PRR5: variants seen among roughly 807,000 people sequenced by gnomAD.
The protein encoded by PRR5 is proline rich 5.
Under a neutral mutation model 30.6 loss-of-function variants are expected in PRR5, and 25 were observed. That is an observed-to-expected ratio of 0.82 (90% CI 0.60 to 1.14). The LOEUF is 1.14. PRR5 is among the 50% of genes most tolerant of loss of function. The pLI, the probability that PRR5 is intolerant of heterozygous loss-of-function variation, is 0.00. For missense variants in PRR5, 600 were observed against 547.1 expected, an observed-to-expected ratio of 1.10 and a Z score of -0.96; for synonymous variants, 286 against 247.1, an observed-to-expected ratio of 1.16 and a Z score of -1.48.
intron 1 of PRR5, among the ~76,000 whole-genome samples, chr22:44,685,468 G>A (rs890866774): frequency 6.6e-6 from 1 of 152,186 alleles, no homozygotes; most frequent in African/African-American, 2.4e-5. Flanking sequence ...ATGCTCCATA[G>A]AGAAGGGCCA....
At chr22:44,679,474 G>A (rs958878801) in intron 1 of PRR5, 2 of 208,814 alleles carry the variant, frequency 9.6e-6, no homozygotes, top group African/African-American at 2.3e-5. Flanking sequence ...GGAGGCCAAG[G>A]CTTGTGGATC....
Position 44,731,810 on chromosome 22 carries a change from T to A in PRR5, c.403T>A (p.Tyr135Asn). 1.2e-6 allele frequency: 2 copies of A among 1,613,248 alleles called. No homozygotes were observed. Among genetic ancestry groups the A allele is most frequent in the Non-Finnish European group, 1.7e-6 (2 of 1,179,960 alleles). ...DVLPMLQAIF[Y>N]PVQGKEPSVR... ...GCTGCCCATGCTGCAGGCCATCTTC[T>A]ACCCGGTGCAGGTGGGCAGCCCAGC... The change falls in exon 5 of 8, where the codon TAC becomes AAC. Residue 135 changes from tyrosine (Y) to asparagine (N), a missense_variant. Physicochemically the swap from Tyr to Asn is moderately radical, Grantham distance 143. Coordinates refer to ENST00000336985, the MANE Select transcript of PRR5 (RefSeq NM_181333.4).
intron 1 of PRR5, among the ~76,000 whole-genome samples, chr22:44,669,031 C>G (rs1215614443): frequency 2.0e-5 from 3 of 151,564 alleles, no homozygotes; most frequent in African/African-American, 7.3e-5. Flanking sequence ...GGGCGGCCCC[C>G]TTGGGTGAAG....
chr22:44,706,688 AT>A (rs547832136), intron 1 of PRR5, among the ~76,000 whole-genome samples: 67 of 147,478 alleles, frequency 4.5e-4, no homozygotes, highest in African/African-American at 1.3e-3. Context: ...ACACCGGCTA[AT>A]TTTTTTTTTT....
intron 1 of PRR5, among the ~76,000 whole-genome samples, chr22:44,686,929 C>T (rs1349877146): frequency 6.6e-6 from 1 of 152,158 alleles, no homozygotes; most frequent in Non-Finnish European, 1.5e-5. Flanking sequence ...TATTTGATTC[C>T]TTCTTTTACA....
At chr22:44,696,673 C>T (rs2146984149) in intron 1 of PRR5, among the ~76,000 whole-genome samples, 1 of 152,236 alleles carries the variant, frequency 6.6e-6, no homozygotes. Flanking sequence ...AAGCGGTCCA[C>T]CTTCAAACCT....
upstream of PRR5, chr22:44,677,014 C>G (rs1163388235): frequency 6.6e-6 from 1 of 152,332 alleles, no homozygotes. Flanking sequence ...TCCTGGGCCC[C>G]CTCTGCCCTT....
At chr22:44,672,503 G>A (rs989872055), upstream of PRR5, among the ~76,000 whole-genome samples, 1 of 152,186 alleles carries the variant, frequency 6.6e-6, no homozygotes, top group Non-Finnish European at 1.5e-5. Flanking sequence ...AGAATTGCTT[G>A]AACCCAGGAG....
chr22:44,676,271 G>A (rs1414436282), upstream of PRR5, among the ~76,000 whole-genome samples: 1 of 150,762 alleles, frequency 6.6e-6, no homozygotes, highest in Non-Finnish European at 1.5e-5. Context: ...TGCACTTGTG[G>A]TCTTAGCTAC....
chr22:44,724,813 T>C (rs190254971), intron 2 of PRR5, among the ~76,000 whole-genome samples: 1 of 152,254 alleles, frequency 6.6e-6, no homozygotes, highest in African/African-American at 2.4e-5. Context: ...TTCTCTGGAA[T>C]AAAGAGTAAA....
chr22:44,671,014 C>T (rs1461425921), intron 1 of PRR5, among the ~76,000 whole-genome samples: 3 of 152,152 alleles, frequency 2.0e-5, no homozygotes, highest in Non-Finnish European at 2.9e-5. Context: ...TCATGAAGAC[C>T]TTCCCCAGGC....
chr22:44,691,332 G>C lies in PRR5; in HGVS notation c.-10-11160G>C, dbSNP rs1304896390. ...GACTCAGAACCTCCATGTCCACCTCGGTGGCACGGAGAGGAGGCTACCCAG... is the reference window on the plus strand; with the variant it reads ...GACTCAGAACCTCCATGTCCACCTCCGTGGCACGGAGAGGAGGCTACCCAG... On this transcript the variant is annotated intron_variant, in intron 1 of 8. Transcript: ENST00000006251. This position sits in a 1 kb window ranked among gnomAD's most constrained non-coding sequence, Gnocchi z 4.4. Among the ~76,000 whole-genome samples the C allele has an allele frequency of 6.6e-6, 1 of 152,164 alleles. No homozygotes were observed. The highest frequency in any genetic ancestry group is 6.5e-5 in the Admixed American group (1 of 15,280).
chr22:44,687,739 C>G (rs7285102), intron 1 of PRR5, among the ~76,000 whole-genome samples: 5 of 152,056 alleles, frequency 3.3e-5, no homozygotes, highest in African/African-American at 7.2e-5. Flanking sequence ...TCTCCACCCC[C>G]ACAAGGCTGC....
intron 2 of PRR5, among the ~76,000 whole-genome samples, chr22:44,720,400 G>A (rs1929746345): frequency 6.6e-6 from 1 of 152,206 alleles, no homozygotes; most frequent in Admixed American, 6.5e-5. Context: ...CTTCAACAGT[G>A]CGCTTCCAGA....
intron 1 of PRR5, chr22:44,679,896 G>T (rs1000119494): frequency 6.4e-7 from 1 of 1,568,838 alleles, no homozygotes; most frequent in Non-Finnish European, 8.6e-7. Context: ...GTGCCACTGT[G>T]CCGAAGGGTG....
In PRR5 at chr22:44,737,545, C is replaced by T. The variant is rs929859214; in HGVS notation, c.*298C>T. On this transcript the variant is annotated 3_prime_UTR_variant, in exon 8 of 8. Coordinates refer to ENST00000336985, the MANE Select transcript of PRR5 (RefSeq NM_181333.4). ...TGCCCCAGCCCTCTGGTGTCCACACCTGCCCACAGAGAATGTAAACCCAGT... is the reference window on the plus strand; with the variant it reads ...TGCCCCAGCCCTCTGGTGTCCACACTTGCCCACAGAGAATGTAAACCCAGT... The T allele has an allele frequency of 2.3e-5, 10 of 427,984 alleles. No homozygotes were observed. Among genetic ancestry groups the T allele is most frequent in the Non-Finnish European group, 3.7e-5 (9 of 245,186 alleles). 26.5% of individuals were successfully genotyped at this position (427,984 alleles called of 1,614,324 possible).
chr22:44,705,378 C>CA lies in PRR5; in HGVS notation c.134+2772dup, dbSNP rs1193537398. Among the ~76,000 whole-genome samples the CA allele has an allele frequency of 1.0e-3, 155 of 152,248 alleles. 2 individuals carry two copies. The highest frequency in any genetic ancestry group is 3.5e-3 in the African/African-American group (145 of 41,530). On this transcript the variant is annotated intron_variant, in intron 1 of 7. Coordinates refer to ENST00000336985, the MANE Select transcript of PRR5 (RefSeq NM_181333.4). ...TTTCACTCTTGTCCAGGCTGGAGTG[C>CA]AATGGTGTGATCTCAGCTCACTGCA...
Position 44,737,433 on chromosome 22 carries a change from C to A in PRR5, c.*186C>A. ...AATACCATCAGCCTTCCTTGCTCGGCCCAGGTCTGTTTCAGGCATCTGAGT... is the reference window on the plus strand; with the variant it reads ...AATACCATCAGCCTTCCTTGCTCGGACCAGGTCTGTTTCAGGCATCTGAGT... On this transcript the variant is annotated 3_prime_UTR_variant, in exon 8 of 8. Transcript: ENST00000336985. The A allele has an allele frequency of 7.9e-7, 1 of 1,268,540 alleles. No homozygotes were observed. Among genetic ancestry groups the A allele is most frequent in the Non-Finnish European group, 1.0e-6 (1 of 955,832 alleles). The allele number at this position is 1,268,540 out of a possible 1,614,324, so 78.6% of individuals were successfully genotyped here.
At chr22:44,729,627 C>A in intron 4 of PRR5, 1 of 985,476 alleles carries the variant, frequency 1.0e-6, no homozygotes, top group East Asian at 1.1e-4. Context: ...TGGGGTCGCC[C>A]CATACCTGCC....
Sources: gnomAD v4.1 joint callset for allele counts (sites outside exome capture counted in the v4.1 genomes callset) on GRCh38, gnomAD v4.1.1 for gene constraint, Gnocchi (gnomAD v3.1) non-coding constraint, MANE v1.5 for transcripts, NCBI Gene and HGNC (gene_info 2026-07-23, HGNC 2026-07-21) for gene names.